FBXW4: variants seen among roughly 807,000 people sequenced by gnomAD.
FBXW4 encodes F-box and WD repeat domain containing 4.
FBXW4 carries 40 observed loss-of-function variants against 61.8 expected under a neutral mutation model. The observed-to-expected ratio is 0.65, with a 90% CI of 0.50 to 0.84. The LOEUF (loss-of-function observed/expected upper bound fraction) is 0.84, where lower values mean the gene tolerates loss of function less well. Ranked by LOEUF, FBXW4 falls within the 40% of genes least tolerant of loss-of-function variation. The probability of loss-of-function intolerance (pLI) is 0.00; values close to 1 mark genes in which losing one functional copy is unlikely to be tolerated. For synonymous variants in FBXW4, 311 were observed against 313.8 expected (o/e 0.99, Z 0.10); for missense variants, 672 against 753.8 (o/e 0.89, Z 1.27).
rs2063783604 is a variant in FBXW4 at position 101,611,458 on chromosome 10, TG to T, written c.1585-49del. ...TGGTAAGAGCTTTCCAAGTGGGACA[TG>T]GGTGTGCCCTAACCCAGGATCCCCA... On this transcript the variant is annotated intron_variant, in intron 8 of 8. Coordinates refer to ENST00000331272, the MANE Select transcript of FBXW4 (RefSeq NM_022039.4). The surrounding 1 kb of genome is among the most constrained non-coding windows in gnomAD (Gnocchi z 4.9). The T allele has an allele frequency of 6.3e-7, 1 of 1,597,628 alleles. No homozygotes were observed. The highest frequency in any genetic ancestry group is 1.1e-5 in the South Asian group (1 of 88,498).
At chr10:101,678,727 G>A (rs556470536) in intron 1 of FBXW4, among the ~76,000 whole-genome samples, 2 of 152,146 alleles carry the variant, frequency 1.3e-5, no homozygotes, top group South Asian at 2.1e-4. Context: ...CGCGCCCGGC[G>A]AGATACACTC....
At chr10:101,658,105 C>A (rs2064205937) in intron 5 of FBXW4, among the ~76,000 whole-genome samples, 1 of 152,298 alleles carries the variant, frequency 6.6e-6, no homozygotes, top group East Asian at 1.9e-4. Context: ...ATTCTTGGGC[C>A]TTAAGCCCAT....
Position 101,694,831 on chromosome 10 carries a change from T to C in FBXW4, c.275A>G (p.Glu92Gly). ...CTTGACGATGCCTCTCGCCCCTTCCTCCACGCTTCTGCCTCCCTCTGCTTC... is the reference window on the plus strand; with the variant it reads ...CTTGACGATGCCTCTCGCCCCTTCCCCCACGCTTCTGCCTCCCTCTGCTTC... ...REEAEGGRSV[E>G]EGARGIVKGV... The change falls in exon 1 of 9, where the codon GAG becomes GGG. Residue 92 changes from glutamate to glycine, a missense_variant. Coordinates refer to ENST00000331272, the MANE Select transcript of FBXW4 (RefSeq NM_022039.4). This position sits in a 1 kb window ranked among gnomAD's most constrained non-coding sequence, Gnocchi z 6.0. 1 of 1,300,882 alleles carries C rather than the reference T, an allele frequency of 7.7e-7. No individual in the cohort carries two copies. Among genetic ancestry groups the C allele is most frequent in the Non-Finnish European group, 9.7e-7 (1 of 1,028,054 alleles). 80.6% of individuals were successfully genotyped at this position (1,300,882 alleles called of 1,614,324 possible).
intron 5 of FBXW4, among the ~76,000 whole-genome samples, chr10:101,646,822 A>G (rs1360037806): frequency 6.6e-6 from 1 of 152,184 alleles, no homozygotes; most frequent in Non-Finnish European, 1.5e-5. Context: ...AAATAATCCA[A>G]TTAATTTCAA....
chr10:101,624,600 G>T, intron 6 of FBXW4, 145 bp downstream of exon 6: 1 of 744,234 alleles, frequency 1.3e-6, no homozygotes, highest in Non-Finnish European at 2.3e-6. Flanking sequence ...GATTCCATGT[G>T]AGAAGGCACC....
At chr10:101,661,932 G>T (rs975220943) in intron 5 of FBXW4, among the ~76,000 whole-genome samples, 2 of 152,152 alleles carry the variant, frequency 1.3e-5, no homozygotes, top group African/African-American at 4.8e-5. Context: ...TCAAGGTCAA[G>T]CATCCCCTTT....
At position 101,611,667 on chromosome 10, in the gene FBXW4, A is replaced by G. The variant is rs1245639104; in HGVS notation, c.1545T>C (p.Val515=). 9.3e-6 allele frequency: 15 copies of G among 1,614,068 alleles called. No homozygotes were observed. The highest frequency in any genetic ancestry group is 1.3e-5 in the Non-Finnish European group (15 of 1,180,038). ...LLATGSSYYG[V]VRLWDRRQRA... ...TTTGACGCCGGTCCCACAGCCGTAC[A>G]ACACCGTAGTAGGAGGAACCTGTGG... Residue 515 remains valine, a synonymous_variant, in exon 8 of 9, where the codon GTT becomes GTC. Coordinates refer to ENST00000331272, the MANE Select transcript of FBXW4 (RefSeq NM_022039.4). The surrounding 1 kb of genome is among the most constrained non-coding windows in gnomAD (Gnocchi z 4.9).
chr10:101,673,737 CT>C, intron 2 of FBXW4, 64 bp from the exon 3 acceptor site: 1 of 1,505,152 alleles, frequency 6.6e-7, no homozygotes, highest in Non-Finnish European at 9.1e-7. Flanking sequence ...CAACTCCAAT[CT>C]TTGAAGAAGC....
chr10:101,660,227 C>T, intron 5 of FBXW4: 1 of 983,990 alleles, frequency 1.0e-6, no homozygotes, highest in Non-Finnish European at 1.2e-6. Flanking sequence ...TCTTGTACCT[C>T]CAAAACTCCA....
chr10:101,694,607 C>T lies in FBXW4; in HGVS notation c.499G>A (p.Glu167Lys), dbSNP rs867314622. 6 of 1,435,754 alleles carry T rather than the reference C, an allele frequency of 4.2e-6. No homozygotes were observed. The highest frequency in any genetic ancestry group is 4.2e-4 in the Middle Eastern group (2 of 4,774). The allele number at this position is 1,435,754 out of a possible 1,614,324, so 88.9% of individuals were successfully genotyped here. A position where few individuals can be genotyped will look rare whatever the true frequency, so the allele number is the denominator to read the frequency against. Residue 167 changes from glutamate to lysine, a missense_variant, in exon 1 of 9, where the codon GAG becomes AAG. By Grantham distance (56) the Glu-to-Lys change is moderately conservative. This residue lies in a region of FBXW4 where 311 missense variants were observed against 301.1 expected (regional missense o/e 1.03). Coordinates refer to ENST00000331272, the MANE Select transcript of FBXW4 (RefSeq NM_022039.4). This position sits in a 1 kb window ranked among gnomAD's most constrained non-coding sequence, Gnocchi z 6.0. ...AAAAGEEEEE[E>K]EAARESAARP... is the part of the protein sequence containing the mutation. ...GCAGCCGACTCCCGAGCCGCCTCCT[C>T]CTCCTCCTCCTCCTCCCCGGCCGCC...
intron 1 of FBXW4, among the ~76,000 whole-genome samples, chr10:101,689,552 GAACA>G (rs887715411): frequency 6.6e-6 from 1 of 152,166 alleles, no homozygotes; most frequent in Admixed American, 6.5e-5. Flanking sequence ...GTGAATTACA[GAACA>G]AATAAGTGAC....
intron 5 of FBXW4, among the ~76,000 whole-genome samples, chr10:101,642,110 G>A (rs958135996): frequency 2.0e-5 from 3 of 152,188 alleles, no homozygotes; most frequent in African/African-American, 7.2e-5. Flanking sequence ...AGGTTGCAGT[G>A]AGCCGAGACT....
chr10:101,664,854 A>C (rs2064283360), intron 5 of FBXW4, among the ~76,000 whole-genome samples: 1 of 152,208 alleles, frequency 6.6e-6, no homozygotes, highest in Non-Finnish European at 1.5e-5. Flanking sequence ...CAGCCCTTTT[A>C]GCTTTTCAGA....
intron 5 of FBXW4, among the ~76,000 whole-genome samples, chr10:101,627,550 T>A (rs2063917284): frequency 6.6e-6 from 1 of 151,984 alleles, no homozygotes; most frequent in Admixed American, 6.6e-5. Flanking sequence ...CTTATTCCCA[T>A]GGTCATTAGG....
At chr10:101,663,585 A>C (rs1189913374) in intron 5 of FBXW4, among the ~76,000 whole-genome samples, 3 of 151,780 alleles carry the variant, frequency 2.0e-5, no homozygotes, top group African/African-American at 7.3e-5. Context: ...TGAACCCAAT[A>C]GTTCAAGTGA....
At chr10:101,622,141 T>C (rs1355772354) in intron 6 of FBXW4, among the ~76,000 whole-genome samples, 2 of 133,900 alleles carry the variant, frequency 1.5e-5, no homozygotes, top group Non-Finnish European at 3.2e-5. Context: ...AGACTGACTA[T>C]AGAATGGATT....
chr10:101,678,922 T>C (rs969766404), intron 1 of FBXW4, among the ~76,000 whole-genome samples: 1 of 151,642 alleles, frequency 6.6e-6, no homozygotes, highest in Non-Finnish European at 1.5e-5. Flanking sequence ...TTTCACTTAT[T>C]TATTCATATA....
At chr10:101,646,406 G>C (rs2064096873) in intron 5 of FBXW4, among the ~76,000 whole-genome samples, 1 of 152,238 alleles carries the variant, frequency 6.6e-6, no homozygotes, top group African/African-American at 2.4e-5. Context: ...CCTGCTGGCT[G>C]AAATGCAGGG....
intron 5 of FBXW4, among the ~76,000 whole-genome samples, chr10:101,643,448 G>GCACA (rs371741411): frequency 1.3e-5 from 2 of 152,162 alleles, no homozygotes; most frequent in African/African-American, 2.4e-5. Flanking sequence ...TGCTGAGAAG[G>GCACA]CACACACACA....
Sources: gnomAD v4.1 joint callset for allele counts (sites outside exome capture counted in the v4.1 genomes callset) on GRCh38, gnomAD v4.1.1 for gene constraint, gnomAD v4.1.1 regional missense constraint, Gnocchi (gnomAD v3.1) non-coding constraint, MANE v1.5 for transcripts, NCBI Gene and HGNC (gene_info 2026-07-23, HGNC 2026-07-21) for gene names.